The following PATJ variants were observed in gnomAD, a reference collection of about 807,000 sequenced individuals.
PATJ encodes the protein PATJ crumbs cell polarity complex component.
A neutral mutation model predicts 224.9 loss-of-function variants in PATJ; 190 were observed. The ratio of observed to expected loss-of-function variants is 0.84; its 90% CI spans 0.75 to 0.95. The LOEUF is 0.95. PATJ is among the 40% of genes least tolerant of loss of function. PATJ has a pLI of 0.00. For missense variants in PATJ, 2,121 were observed against 2,270.3 expected (o/e 0.93, Z 1.34); for synonymous variants, 769 against 820.3 (o/e 0.94, Z 1.07).
chr1:61,840,502 A>T (rs1482586988), intron 17 of PATJ, among the ~76,000 whole-genome samples: 3 of 152,098 alleles, frequency 2.0e-5, no homozygotes, highest in East Asian at 1.9e-4. Context: ...ATTTAATTTT[A>T]AAAAAACTTT....
intron 7 of PATJ, among the ~76,000 whole-genome samples, chr1:61,779,571 G>C (rs1470918553): frequency 6.6e-6 from 1 of 152,144 alleles, no homozygotes; most frequent in Non-Finnish European, 1.5e-5. Flanking sequence ...CAGCACCACA[G>C]CCCAGATGAC....
intron 30 of PATJ, among the ~76,000 whole-genome samples, chr1:62,043,679 ATATT>A (rs547300844): frequency 5.3e-5 from 8 of 152,010 alleles, no homozygotes; most frequent in African/African-American, 1.9e-4. Context: ...AAAATTGTAT[ATATT>A]TATCATATAC....
At chr1:62,084,947 A>G (rs1236308035) in intron 33 of PATJ, among the ~76,000 whole-genome samples, 2 of 151,914 alleles carry the variant, frequency 1.3e-5, no homozygotes, top group Admixed American at 1.3e-4. Context: ...GCGAAACCCC[A>G]TCTCTACAAA....
At chr1:62,154,462 A>G (rs563612508) in intron 43 of PATJ, among the ~76,000 whole-genome samples, 1 of 152,044 alleles carries the variant, frequency 6.6e-6, no homozygotes, top group East Asian at 1.9e-4. Flanking sequence ...TGAGTGCAAG[A>G]CCAGCCTGGT....
intron 15 of PATJ, 76 bp downstream of exon 15, chr1:61,823,155 C>T: frequency 1.4e-6 from 2 of 1,476,232 alleles, no homozygotes; most frequent in South Asian, 2.4e-5. Flanking sequence ...TCACAAATCC[C>T]CTGAGTTATA....
intron 27 of PATJ, among the ~76,000 whole-genome samples, chr1:61,980,883 T>A (rs1644416590): frequency 6.6e-6 from 1 of 152,090 alleles, no homozygotes; most frequent in African/African-American, 2.4e-5. Context: ...CTTGATTTTT[T>A]AAAAATGAAA....
In PATJ at chr1:61,975,386, A is replaced by C. The variant is rs1644073936; in HGVS notation, c.3671-14782A>C. On this transcript the variant is annotated intron_variant, in intron 27 of 43. Transcript: ENST00000642238. ...TTTGATAGTACCTAATTCAATCTTT[A>C]CTTCCTTTGTTTTCACCCTTATATC... Among the ~76,000 whole-genome samples the C allele has an allele frequency of 2.0e-5, 3 of 152,170 alleles. No homozygotes were observed. In the South Asian group the frequency reaches 6.2e-4, roughly 32 times the overall value.
At position 61,911,572 on chromosome 1, in the gene PATJ, A is replaced by G. The variant is rs552167692; in HGVS notation, c.3493-3015A>G. ...GCCTTCTGGAAAAATGTGTGTATCT[A>G]CTTGGATGTACTTGGCAAATACTTA... On this transcript the variant is annotated intron_variant, in intron 25 of 43. Coordinates refer to ENST00000642238, the MANE Select transcript of PATJ (RefSeq NM_001350145.3). 8.5e-5 allele frequency among the ~76,000 whole-genome samples: 13 copies of G among 152,086 alleles called. No individual in the cohort carries two copies. In the South Asian group the frequency reaches 2.1e-3, roughly 24 times the overall value.
chr1:61,816,684 G>T (rs756004480), intron 14 of PATJ, among the ~76,000 whole-genome samples: 5 of 152,108 alleles, frequency 3.3e-5, no homozygotes, highest in Non-Finnish European at 7.4e-5. Context: ...ACTGCAAAAG[G>T]TGATTTTTTT....
chr1:61,813,950 G>A, intron 14 of PATJ, among the ~76,000 whole-genome samples: 1 of 151,948 alleles, frequency 6.6e-6, no homozygotes, highest in East Asian at 1.9e-4. Context: ...TGGTAGTTTT[G>A]TTTCCCAGTT....
At chr1:61,821,266 C>T (rs990037009) in intron 14 of PATJ, among the ~76,000 whole-genome samples, 7 of 151,890 alleles carry the variant, frequency 4.6e-5, no homozygotes, top group African/African-American at 1.2e-4. Context: ...AGGATGGTCT[C>T]GATCACCTGA....
At chr1:61,843,209 T>A (rs1425417848) in intron 17 of PATJ, among the ~76,000 whole-genome samples, 3 of 152,176 alleles carry the variant, frequency 2.0e-5, no homozygotes, top group Non-Finnish European at 4.4e-5. Context: ...TTCAGCCCTT[T>A]CCTCTGTATT....
At chr1:61,776,876 C>G (rs1171068934) in intron 7 of PATJ, among the ~76,000 whole-genome samples, 1 of 151,988 alleles carries the variant, frequency 6.6e-6, no homozygotes, top group African/African-American at 2.4e-5. Context: ...TAGGTGCCTG[C>G]CACAATGCCC....
intron 15 of PATJ, 116 bp downstream of exon 15, chr1:61,823,195 T>G: frequency 2.0e-6 from 2 of 1,008,286 alleles, no homozygotes; most frequent in East Asian, 2.4e-5. Flanking sequence ...AATATGAGCC[T>G]CTTAGATTGA....
chr1:62,077,766 G>A (rs1323230008), intron 31 of PATJ, among the ~76,000 whole-genome samples: 1 of 151,622 alleles, frequency 6.6e-6, no homozygotes, highest in Non-Finnish European at 1.5e-5. Context: ...TTGCCTATCA[G>A]CTGTTTGATA....
At chr1:61,945,902 A>G (rs1363116920) in intron 27 of PATJ, among the ~76,000 whole-genome samples, 2 of 152,242 alleles carry the variant, frequency 1.3e-5, no homozygotes, top group Non-Finnish European at 2.9e-5. Context: ...AGAACTCAGG[A>G]TTAAGAAACT....
chr1:61,749,301 C>G (rs1645196220), intron 1 of PATJ, among the ~76,000 whole-genome samples: 1 of 152,104 alleles, frequency 6.6e-6, no homozygotes, highest in South Asian at 2.1e-4. Context: ...CCACCACACC[C>G]AGCCATGAAG....
At chr1:62,136,857 G>A (rs1190981416) in intron 41 of PATJ, among the ~76,000 whole-genome samples, 6 of 152,050 alleles carry the variant, frequency 3.9e-5, no homozygotes, top group Non-Finnish European at 8.8e-5. Context: ...GGCATGAGCC[G>A]CCACACCCAG....
At chr1:61,818,802 A>G (rs1656685056) in intron 14 of PATJ, among the ~76,000 whole-genome samples, 1 of 152,180 alleles carries the variant, frequency 6.6e-6, no homozygotes, top group South Asian at 2.1e-4. Flanking sequence ...ACGAGATGAC[A>G]TGGGTGAGCC....
Sources: allele counts gnomAD v4.1 joint callset (sites outside exome capture counted in the v4.1 genomes callset), GRCh38; gene constraint gnomAD v4.1.1; transcripts MANE v1.5; gene names NCBI Gene and HGNC (gene_info 2026-07-23, HGNC 2026-07-21).